The following PKHD1 variants were observed in gnomAD, a reference collection of about 807,000 sequenced individuals.
The protein encoded by PKHD1 is fibrocystin.
In PKHD1, 291 loss-of-function variants were observed where a neutral mutation model predicts 412.0. The ratio of observed to expected loss-of-function variants is 0.71; its 90% CI spans 0.64 to 0.78. The LOEUF (loss-of-function observed/expected upper bound fraction) is 0.78. PKHD1 is among the 30% of genes least tolerant of loss of function. The pLI, the probability that PKHD1 is intolerant of heterozygous loss-of-function variation, is 0.00. For synonymous variants in PKHD1, 1,777 were observed against 1,821.5 expected (o/e 0.98, Z 0.62); for missense variants, 4,825 against 4,950.7 (o/e 0.97, Z 0.76).
rs143082635 is a variant in PKHD1, at chr6:51,656,039, A to G, written c.11174+2913T>C. On this transcript the variant is annotated intron_variant, in intron 61 of 66. Coordinates refer to ENST00000371117, the MANE Select transcript of PKHD1 (RefSeq NM_138694.4). ...ATCATTCTACTATAAAGACACATGCACACATATGTTTATTGCAGCACTATT... is the reference window on the plus strand; with the variant it reads ...ATCATTCTACTATAAAGACACATGCGCACATATGTTTATTGCAGCACTATT... Among the ~76,000 whole-genome samples the G allele has an allele frequency of 6.1e-3, 936 of 152,288 alleles. 11 individuals are homozygous for G. Among genetic ancestry groups the G allele is most frequent in the African/African-American group, 0.022 (900 of 41,572 alleles).
chr6:51,736,629 T>C (rs566085423), intron 60 of PKHD1, among the ~76,000 whole-genome samples: 3 of 152,162 alleles, frequency 2.0e-5, no homozygotes, highest in Non-Finnish European at 4.4e-5. Context: ...GCTTCAATCT[T>C]TGGGGCCTGT....
At chr6:51,898,539 C>T (rs1361547227) in intron 43 of PKHD1, among the ~76,000 whole-genome samples, 1 of 145,258 alleles carries the variant, frequency 6.9e-6, no homozygotes, top group Non-Finnish European at 1.5e-5. Context: ...ATTTATAGCA[C>T]TAAATGCCCA....
chr6:51,830,565 C>T (rs187038455), intron 52 of PKHD1, among the ~76,000 whole-genome samples: 4 of 152,224 alleles, frequency 2.6e-5, no homozygotes, highest in African/African-American at 9.6e-5. Context: ...CCTGTAAATC[C>T]ATTCTCTGAC....
At position 52,025,332 on chromosome 6, in the gene PKHD1, G is replaced by A; in HGVS notation, c.4478C>T (p.Thr1493Ile). 1 of 1,614,120 alleles carries A rather than the reference G, an allele frequency of 6.2e-7. No homozygotes were observed. Among genetic ancestry groups the A allele is most frequent in the South Asian group, 1.1e-5 (1 of 91,084 alleles). ...AGTGGTCAGAGACCCACTGGTGTTT[G>A]TGGACAAGGCATCCATGACAGGACT... is the stretch of plus-strand genomic sequence containing the variant. ...EASPVMDALSTNTSGSLTTVL... is the reference protein window; with the variant it reads ...EASPVMDALSINTSGSLTTVL... Residue 1493 changes from threonine (T) to isoleucine (I), a missense_variant, in exon 32 of 67, where the codon ACA becomes ATA. By Grantham distance (89) the Thr-to-Ile change is moderately conservative. Transcript: ENST00000371117.
Position 51,906,810 on chromosome 6 carries a change from T to C in PKHD1, c.6683-470A>G, listed in dbSNP as rs558359669. On this transcript the variant is annotated intron_variant, in intron 40 of 66. Transcript: ENST00000371117. ...CCCAAGATAGCCAGAGACTCATTCC[T>C]AACTGTAAGCAAGGTCAAAGGTTGG... Among the ~76,000 whole-genome samples, 56 of 152,298 alleles carry C rather than the reference T, an allele frequency of 3.7e-4. 1 individual carries two copies. Among genetic ancestry groups the C allele is most frequent in the African/African-American group, 1.3e-3 (52 of 41,580 alleles).
At chr6:51,660,444 T>A (rs763020134) in intron 60 of PKHD1, among the ~76,000 whole-genome samples, 1 of 152,112 alleles carries the variant, frequency 6.6e-6, no homozygotes, top group Admixed American at 6.6e-5. Context: ...CAAATTCTGA[T>A]ACTAAACAAA....
intron 52 of PKHD1, among the ~76,000 whole-genome samples, chr6:51,794,130 G>A (rs545401404): frequency 1.3e-4 from 19 of 148,910 alleles, no homozygotes; most frequent in Non-Finnish European, 2.1e-4. Context: ...TCTGCCTCCC[G>A]GGTTCACACC....
rs1554232224 is a variant in PKHD1, at chr6:51,775,810, A to G, written c.8552T>C (p.Ile2851Thr). 3 of 1,396,384 alleles carry G rather than the reference A, an allele frequency of 2.1e-6. No homozygotes were observed. The highest frequency in any genetic ancestry group is 2.3e-5 in the East Asian group (1 of 43,722). 86.5% of individuals were successfully genotyped at this position (1,396,384 alleles called of 1,614,324 possible). A position where few individuals can be genotyped will look rare whatever the true frequency, so the allele number is the denominator to read the frequency against. The change falls in exon 54 of 67, where the codon ATT becomes ACT. Residue 2851 changes from isoleucine to threonine, a missense_variant and splice_region_variant. Coordinates refer to ENST00000371117, the MANE Select transcript of PKHD1 (RefSeq NM_138694.4). The part of the protein sequence containing the change: ...MNGIHIDPGT[I>T]GVYGKVHLYS... ...TAAAAACTATATTATACTCTTACCA[A>G]TTGTTCCTGGGTCAATATGAATTCC...
chr6:51,808,285 C>G (rs7761370), intron 52 of PKHD1, among the ~76,000 whole-genome samples: 85,335 of 150,932 alleles, frequency 0.57, 24,385 homozygotes, highest in East Asian at 0.77. Flanking sequence ...GAATATCTTT[C>G]GAAAGATACC....
chr6:51,926,695 T>C (rs1785682203), intron 37 of PKHD1, among the ~76,000 whole-genome samples: 1 of 152,216 alleles, frequency 6.6e-6, no homozygotes, highest in Non-Finnish European at 1.5e-5. Flanking sequence ...TAAGGAACCC[T>C]TTCTTAAAGA....
chr6:51,615,497 A>G lies in PKHD1; in HGVS notation c.*3584T>C, dbSNP rs553562375. 6.6e-6 allele frequency: 1 copy of G among 152,326 alleles called. No homozygotes were observed. The highest frequency in any genetic ancestry group is 2.1e-4 in the South Asian group (1 of 4,830). The allele number at this position is 152,326 out of a possible 1,614,324, so 9.4% of individuals were successfully genotyped here. On this transcript the variant is annotated 3_prime_UTR_variant, in exon 67 of 67. Transcript: ENST00000371117. ...ATAGTATTTAATTCCTTGTGCTTAT[A>G]GTTTTTTCAAAATTGGCATAGACTA...
intron 37 of PKHD1, among the ~76,000 whole-genome samples, chr6:51,916,074 G>A (rs1783763241): frequency 6.6e-6 from 1 of 152,102 alleles, no homozygotes; most frequent in Non-Finnish European, 1.5e-5. Context: ...TAAAGTGCAT[G>A]TGTCTTTTCT....
At chr6:51,895,318 T>C (rs180730823) in intron 43 of PKHD1, among the ~76,000 whole-genome samples, 59 of 152,284 alleles carry the variant, frequency 3.9e-4, no homozygotes, top group African/African-American at 1.4e-3. Context: ...CTTTAAGTAA[T>C]GGCACATCAC....
intron 52 of PKHD1, among the ~76,000 whole-genome samples, chr6:51,829,401 T>G (rs985638205): frequency 1.3e-5 from 2 of 152,144 alleles, no homozygotes; most frequent in African/African-American, 4.8e-5. Flanking sequence ...CTTGGCAACC[T>G]TCAAAAGCTT....
intron 35 of PKHD1, among the ~76,000 whole-genome samples, chr6:51,981,306 TCAAGC>T (rs1795126852): frequency 6.3e-5 from 2 of 31,784 alleles, no homozygotes; most frequent in Non-Finnish European, 2.4e-4. Context: ...GCTCCAAAGC[TCAAGC>T]TCTCCCTCTC....
Position 51,747,865 on chromosome 6 carries a change from C to G in PKHD1, c.9751G>C (p.Glu3251Gln). The G allele has an allele frequency of 6.2e-7, 1 of 1,613,810 alleles. No homozygotes were observed. The highest frequency in any genetic ancestry group is 8.5e-7 in the Non-Finnish European group (1 of 1,179,774). ...GGCTCCTGAGGCCACTGATTTGGTT[C>G]TGAGGTGAATACAGGCCACAGAATA... is the stretch of plus-strand genomic sequence containing the variant. ...IGILWPVFTSEPNQWPQEPWH... is the reference protein window; with the variant it reads ...IGILWPVFTSQPNQWPQEPWH... The change falls in exon 58 of 67, where the codon GAA becomes CAA. Residue 3251 changes from glutamate (E) to glutamine (Q), a missense_variant. By Grantham distance (29) the Glu-to-Gln change is conservative. Coordinates refer to ENST00000371117, the MANE Select transcript of PKHD1 (RefSeq NM_138694.4).
At chr6:51,672,491 G>A (rs1259830220) in intron 60 of PKHD1, among the ~76,000 whole-genome samples, 4 of 152,152 alleles carry the variant, frequency 2.6e-5, no homozygotes, top group South Asian at 2.1e-4. Flanking sequence ...TGCAAGGGGC[G>A]CATGTAAGTG....
intron 35 of PKHD1, among the ~76,000 whole-genome samples, chr6:51,968,943 T>G (rs1402433465): frequency 3.3e-5 from 5 of 152,194 alleles, no homozygotes; most frequent in Non-Finnish European, 7.4e-5. Context: ...CCTCTCCCCT[T>G]CAGCAGAAGT....
intron 60 of PKHD1, among the ~76,000 whole-genome samples, chr6:51,698,088 T>C (rs1779008978): frequency 6.6e-6 from 1 of 152,184 alleles, no homozygotes; most frequent in Non-Finnish European, 1.5e-5. Flanking sequence ...TTATCAATGA[T>C]CAATTATTTG....
Sources: gnomAD v4.1 joint callset for allele counts (sites outside exome capture counted in the v4.1 genomes callset) on GRCh38, gnomAD v4.1.1 for gene constraint, MANE v1.5 for transcripts, NCBI Gene and HGNC (gene_info 2026-07-23, HGNC 2026-07-21) for gene names.